GPM6B: variants seen among roughly 807,000 people sequenced by gnomAD.
GPM6B encodes glycoprotein M6B.
GPM6B carries 4 observed loss-of-function variants against 27.2 expected under a neutral mutation model. That is an observed-to-expected ratio of 0.15 (90% CI 0.07 to 0.34). The LOEUF is 0.34. Ranked by LOEUF, GPM6B falls within the 10% of genes least tolerant of loss-of-function variation. The pLI is 1.00. For missense variants in GPM6B, 183 were observed against 261.9 expected (o/e 0.70, Z 2.08); for synonymous variants, 124 against 103.1 (o/e 1.20, Z -1.23).
rs778199280 is a variant in GPM6B, at chrX:13,927,046, G to A, written c.-198+11281C>T. Among the ~76,000 whole-genome samples the A allele has an allele frequency of 1.4e-3, 154 of 111,358 alleles. 1 individual carries two copies. The highest frequency in any genetic ancestry group is 4.6e-3 in the African/African-American group (142 of 30,760). On this transcript the variant is annotated intron_variant, in intron 1 of 6. Transcript: ENST00000398361. ...CATTTTAACTAAGGATTAGTATACA[G>A]AAGGCATAAAGAACTACTACAAATC...
Position 13,776,109 on chromosome X carries a change from G to A in GPM6B, c.837+129C>T, listed in dbSNP as rs185977005. ...CTACATGTGGTAAGTTAACACAGGC[G>A]CCAGTTAACCAAGGTTGAGTGCCAG... On this transcript the variant is annotated intron_variant, in intron 7 of 7. Transcript: ENST00000316715. The A allele has an allele frequency of 1.0e-4, 54 of 529,517 alleles. No individual in the cohort carries two copies. In the East Asian group the frequency reaches 1.5e-3, roughly 15 times the overall value. The allele number at this position is 529,517 out of a possible 1,213,427, so 43.6% of individuals were successfully genotyped here. A position where few individuals can be genotyped will look rare whatever the true frequency, so the allele number is the denominator to read the frequency against.
intron 1 of GPM6B, among the ~76,000 whole-genome samples, chrX:13,848,011 C>T (rs763924398): frequency 8.9e-6 from 1 of 111,989 alleles, no homozygotes; most frequent in East Asian, 2.8e-4. Context: ...AGATTCCCCT[C>T]CTTCCGGACT....
At chrX:13,877,824 CAAAA>C (rs761891419) in intron 1 of GPM6B, among the ~76,000 whole-genome samples, 20 of 27,464 alleles carry the variant, frequency 7.3e-4, no homozygotes, top group African/African-American at 3.5e-3. Flanking sequence ...CAGACTCTGC[CAAAA>C]AAAAAAAAAA....
intron 1 of GPM6B, among the ~76,000 whole-genome samples, chrX:13,885,004 T>C (rs2050121422): frequency 9.0e-6 from 1 of 111,728 alleles, no homozygotes; most frequent in Non-Finnish European, 1.9e-5. Context: ...GAAAATAACA[T>C]TTGTTGGGCA....
At chrX:13,847,453 T>C (rs2049663576) in intron 1 of GPM6B, among the ~76,000 whole-genome samples, 2 of 112,310 alleles carry the variant, frequency 1.8e-5, no homozygotes, top group Non-Finnish European at 3.8e-5. Context: ...ATCCTACTTA[T>C]ATTTTTGCAG....
chrX:13,803,537 T>C (rs1411822872), intron 2 of GPM6B, among the ~76,000 whole-genome samples: 1 of 112,169 alleles, frequency 8.9e-6, no homozygotes, highest in African/African-American at 3.2e-5. Context: ...ATTGGTGATA[T>C]GTGAAGTGGG....
rs34662549 is a variant in GPM6B, at chrX:13,865,559, A to AAAAAAG, written c.-198+72767_-198+72768insCTTTTT. Among the ~76,000 whole-genome samples, 15 of 52,927 alleles carry AAAAAAG rather than the reference A, an allele frequency of 2.8e-4. No individual in the cohort carries two copies. The East Asian group carries it at 3.9e-3, about 14-fold the overall frequency. 46.0% of individuals were successfully genotyped at this position (52,927 alleles called of 115,157 possible). ...CATCTCTTCAAAAAAAAAAAAAAAA[A>AAAAAAG]AAAGAAAGAAAGAAAGAAAAGAAAA... On this transcript the variant is annotated intron_variant, in intron 1 of 6. Transcript: ENST00000398361.
chrX:13,902,826 C>G (rs1362201030), intron 1 of GPM6B, among the ~76,000 whole-genome samples: 1 of 111,973 alleles, frequency 8.9e-6, no homozygotes, highest in Non-Finnish European at 1.9e-5. Context: ...GCACCACAGA[C>G]AACAACAGGA....
intron 1 of GPM6B, among the ~76,000 whole-genome samples, chrX:13,933,343 T>C (rs1013500922): frequency 1.8e-5 from 2 of 111,889 alleles, no homozygotes; most frequent in Non-Finnish European, 3.8e-5. Flanking sequence ...GCTCAAAATA[T>C]AGCAGATGCT....
rs1030240838 is a variant in GPM6B, at chrX:13,814,283, A to G, written c.61+2561T>C. Among the ~76,000 whole-genome samples the G allele has an allele frequency of 6.2e-5, 7 of 112,515 alleles. No individual in the cohort carries two copies. In the Admixed American group the frequency reaches 6.6e-4, roughly 11 times the overall value. ...TATTGGGTATTAGCCATTGGGCAATAATGCCCCAAATTAAGAGACAGGCAT... is the reference window on the plus strand; with the variant it reads ...TATTGGGTATTAGCCATTGGGCAATGATGCCCCAAATTAAGAGACAGGCAT... On this transcript the variant is annotated intron_variant, in intron 1 of 7. Transcript: ENST00000316715.
intron 1 of GPM6B, among the ~76,000 whole-genome samples, chrX:13,824,385 T>TGCTG (rs1176546945): frequency 3.6e-5 from 4 of 112,215 alleles, no homozygotes; most frequent in African/African-American, 9.7e-5. Context: ...AAAATATTGA[T>TGCTG]GCTGGGGCAT....
chrX:13,929,492 C>A (rs1316400974), intron 1 of GPM6B, among the ~76,000 whole-genome samples: 1 of 110,889 alleles, frequency 9.0e-6, no homozygotes, highest in Non-Finnish European at 1.9e-5. Flanking sequence ...GAAAGAAAAA[C>A]CTTTTAGACA....
At chrX:13,923,899 T>A (rs755999703) in intron 1 of GPM6B, among the ~76,000 whole-genome samples, 5 of 112,451 alleles carry the variant, frequency 4.4e-5, no homozygotes, top group African/African-American at 1.6e-4. Flanking sequence ...TCTTATGTTA[T>A]GATATGGTGA....
intron 1 of GPM6B, among the ~76,000 whole-genome samples, chrX:13,822,397 G>A (rs190528457): frequency 4.8e-4 from 52 of 108,197 alleles, no homozygotes; most frequent in African/African-American, 1.5e-3. Context: ...ACGGAGTCTC[G>A]CGCTGTTGCC....
chrX:13,802,494 ACAAT>A (rs1179276568), intron 2 of GPM6B, among the ~76,000 whole-genome samples: 1 of 110,708 alleles, frequency 9.0e-6, no homozygotes, highest in Non-Finnish European at 1.9e-5. Context: ...ACGTTCAAAA[ACAAT>A]CAAGAAATTA....
chrX:13,823,476 G>C (rs985881072), intron 1 of GPM6B, among the ~76,000 whole-genome samples: 1 of 109,562 alleles, frequency 9.1e-6, no homozygotes, highest in Non-Finnish European at 1.9e-5. Flanking sequence ...AACTTGAGTT[G>C]TAATGACCCT....
At chrX:13,820,321 G>T (rs1311236098), upstream of GPM6B, among the ~76,000 whole-genome samples, 1 of 111,064 alleles carries the variant, frequency 9.0e-6, no homozygotes, top group Non-Finnish European at 1.9e-5. Context: ...GGTGGAGGAG[G>T]ATTTGAAGGG....
At chrX:13,931,509 A>G (rs1243754853) in intron 1 of GPM6B, among the ~76,000 whole-genome samples, 3 of 110,912 alleles carry the variant, frequency 2.7e-5, no homozygotes, top group Non-Finnish European at 5.7e-5. Context: ...AAAAAAGAAA[A>G]AAAGAAAAAT....
chrX:13,881,468 C>T (rs1266722596), intron 1 of GPM6B, among the ~76,000 whole-genome samples: 1 of 108,422 alleles, frequency 9.2e-6, no homozygotes, highest in Non-Finnish European at 1.9e-5. Context: ...GCCATGATTG[C>T]ATCACTGCAC....
Sources: gnomAD v4.1 joint callset for allele counts (sites outside exome capture counted in the v4.1 genomes callset) on GRCh38, gnomAD v4.1.1 for gene constraint, MANE v1.5 for transcripts, NCBI Gene and HGNC (gene_info 2026-07-23, HGNC 2026-07-21) for gene names.